The following ZNF536 variants were observed in gnomAD, a reference collection of about 807,000 sequenced individuals.
ZNF536 encodes the protein zinc finger protein 536.
Under a neutral mutation model 84.5 loss-of-function variants are expected in ZNF536, and 13 were observed. The ratio of observed to expected loss-of-function variants is 0.15; its 90% CI spans 0.10 to 0.24. The LOEUF (loss-of-function observed/expected upper bound fraction) is 0.24, where lower values mean the gene tolerates loss of function less well. Among genes scored for constraint, ZNF536 ranks in the 10% least tolerant of loss-of-function variants. The pLI, the probability that ZNF536 is intolerant of heterozygous loss-of-function variation, is 1.00. For synonymous variants in ZNF536, 811 were observed against 742.5 expected (o/e 1.09, Z -1.50); for missense variants, 1,536 against 1,747.5 (o/e 0.88, Z 2.16).
intron 2 of ZNF536, among the ~76,000 whole-genome samples, chr19:30,525,642 G>A (rs1213875556): frequency 6.6e-6 from 1 of 152,174 alleles, no homozygotes; most frequent in Admixed American, 6.5e-5. Flanking sequence ...TGGGGGTTGG[G>A]AGATTTCCTT....
Position 30,549,180 on chromosome 19 carries a change from G to A in ZNF536, c.3561G>A (p.Pro1187=), listed in dbSNP as rs779102548. Residue 1187 remains proline, a synonymous_variant, in exon 4 of 5, where the codon CCG becomes CCA. Coordinates refer to ENST00000355537, the MANE Select transcript of ZNF536 (RefSeq NM_014717.3). ...ATGAAGAGGATGTTGAAACCGAACC[G>A]GAAATGATGACCAAGCCACTGTCTG... The part of the protein sequence containing the change: ...NNDEEDVETE[P]EMMTKPLSAL... The A allele has an allele frequency of 8.8e-5, 142 of 1,613,772 alleles. No homozygotes were observed. Among genetic ancestry groups the A allele is most frequent in the South Asian group, 6.6e-4 (60 of 91,082 alleles).
chr19:30,316,584 T>C (rs2046684589), intron 2 of ZNF536, among the ~76,000 whole-genome samples: 1 of 152,180 alleles, frequency 6.6e-6, no homozygotes, highest in Non-Finnish European at 1.5e-5. Context: ...TTAGAAAGAC[T>C]GCTCAGGATG....
At chr19:30,262,620 T>C (rs1487892520) in intron 1 of ZNF536, among the ~76,000 whole-genome samples, 1 of 152,132 alleles carries the variant, frequency 6.6e-6, no homozygotes, top group Non-Finnish European at 1.5e-5. Context: ...TGGACTTGTC[T>C]TGCTGGTGTT....
chr19:30,515,400 G>C (rs752653404), intron 2 of ZNF536, among the ~76,000 whole-genome samples: 1 of 152,184 alleles, frequency 6.6e-6, no homozygotes, highest in African/African-American at 2.4e-5. Context: ...TTTATGATAA[G>C]AGTTCAGATT....
chr19:30,430,823 C>A (rs893616938), intron 1 of ZNF536, among the ~76,000 whole-genome samples: 77 of 152,268 alleles, frequency 5.1e-4, no homozygotes, highest in African/African-American at 1.8e-3. Flanking sequence ...TACAGGCATG[C>A]GCCACCATGC....
chr19:30,658,094 C>A (rs1422151143), intron 1 of ZNF536, among the ~76,000 whole-genome samples: 1 of 151,100 alleles, frequency 6.6e-6, no homozygotes, highest in Non-Finnish European at 1.5e-5. Flanking sequence ...GCAATCTCGG[C>A]TCACTGCAAC....
At chr19:30,448,228 G>C (rs1476516359) in intron 2 of ZNF536, among the ~76,000 whole-genome samples, 20 of 152,160 alleles carry the variant, frequency 1.3e-4, no homozygotes, top group Admixed American at 1.3e-3. Flanking sequence ...GGAGAATTGA[G>C]GGCATACCAA....
At chr19:30,275,224 C>T (rs1219622454) in intron 1 of ZNF536, among the ~76,000 whole-genome samples, 2 of 152,146 alleles carry the variant, frequency 1.3e-5, no homozygotes, top group African/African-American at 2.4e-5. Context: ...TGGAAATCCA[C>T]CAGCTTGGCA....
Position 30,261,246 on chromosome 19 carries a change from C to T in ZNF536, c.-189-22826C>T, listed in dbSNP as rs370606208. Reference sequence around the variant, plus strand: ...CCGGGAGGCGGAGCTTGCAGTGAGCCGAGATCCCGCCACTGCACTCCAGCC... The same window carrying T: ...CCGGGAGGCGGAGCTTGCAGTGAGCTGAGATCCCGCCACTGCACTCCAGCC... On this transcript the variant is annotated intron_variant, in intron 1 of 5. Transcript: ENST00000585628. 7.1e-5 allele frequency among the ~76,000 whole-genome samples: 9 copies of T among 126,138 alleles called. No homozygotes were observed. The South Asian group carries it at 2.4e-3, about 33-fold the overall frequency. The allele number at this position is 126,138 out of a possible 152,430, so 82.8% of individuals were successfully genotyped here.
intron 1 of ZNF536, among the ~76,000 whole-genome samples, chr19:30,273,573 T>C (rs889024594): frequency 6.6e-6 from 1 of 152,252 alleles, no homozygotes; most frequent in Admixed American, 6.5e-5. Context: ...TTGCCCATTT[T>C]TAAATTGGGC....
intron 2 of ZNF536, among the ~76,000 whole-genome samples, chr19:30,296,641 C>A (rs2145872223): frequency 6.6e-6 from 1 of 152,306 alleles, no homozygotes; most frequent in Admixed American, 6.5e-5. Context: ...TCAGCTTGCT[C>A]TCTACCCCCA....
At chr19:30,700,052 C>T (rs1311312185) in intron 1 of ZNF536, among the ~76,000 whole-genome samples, 3 of 118,442 alleles carry the variant, frequency 2.5e-5, no homozygotes, top group South Asian at 2.8e-4. Context: ...TCTTTCTCTC[C>T]CTCCCTCCGC....
Position 30,627,672 on chromosome 19 carries a change from G to A in ZNF536, c.169+78158G>A, listed in dbSNP as rs937402318. Reference sequence around the variant, plus strand: ...CAAGTTCTCTGTACAGGAGAGAGGGGTTCCGCAGATTCTCTGAAGGCTCTC... The same window carrying A: ...CAAGTTCTCTGTACAGGAGAGAGGGATTCCGCAGATTCTCTGAAGGCTCTC... On this transcript the variant is annotated intron_variant, in intron 1 of 1. Transcript: ENST00000592773. Among the ~76,000 whole-genome samples the A allele has an allele frequency of 3.3e-5, 5 of 152,132 alleles. No individual in the cohort carries two copies. In the South Asian group the frequency reaches 8.3e-4, roughly 25 times the overall value.
At chr19:30,307,006 A>C (rs1055344713) in intron 2 of ZNF536, among the ~76,000 whole-genome samples, 16 of 151,898 alleles carry the variant, frequency 1.1e-4, no homozygotes, top group Non-Finnish European at 1.9e-4. Flanking sequence ...ATATATATAT[A>C]TCTCTCCAGA....
intron 1 of ZNF536, among the ~76,000 whole-genome samples, chr19:30,684,301 A>AT (rs1210210475): frequency 1.3e-5 from 2 of 152,030 alleles, no homozygotes; most frequent in Non-Finnish European, 2.9e-5. Context: ...TGCCTGGCTA[A>AT]TTTTTTTGTG....
chr19:30,538,864 G>T (rs2045202101), intron 3 of ZNF536, among the ~76,000 whole-genome samples: 1 of 152,152 alleles, frequency 6.6e-6, no homozygotes, highest in African/African-American at 2.4e-5. Flanking sequence ...TGCAGGCTCA[G>T]AAAGGAGATT....
chr19:30,682,692 TC>T (rs2147837138), intron 1 of ZNF536, among the ~76,000 whole-genome samples: 1 of 152,180 alleles, frequency 6.6e-6, no homozygotes, highest in East Asian at 1.9e-4. Context: ...CCTCTCTGCC[TC>T]CCCTCAGCCC....
intron 1 of ZNF536, among the ~76,000 whole-genome samples, chr19:30,615,246 C>A (rs1048226449): frequency 1.3e-5 from 2 of 151,932 alleles, no homozygotes; most frequent in Non-Finnish European, 2.9e-5. Flanking sequence ...CGCCCGGCCT[C>A]AATTTTTGCT....
chr19:30,322,782 T>A (rs1267770444), intron 2 of ZNF536, among the ~76,000 whole-genome samples: 2 of 151,996 alleles, frequency 1.3e-5, no homozygotes, highest in Non-Finnish European at 2.9e-5. Context: ...CCGAGCCCCT[T>A]ACTCTCACTC....
Sources: allele counts gnomAD v4.1 joint callset (sites outside exome capture counted in the v4.1 genomes callset), GRCh38; gene constraint gnomAD v4.1.1; transcripts MANE v1.5; gene names NCBI Gene and HGNC (gene_info 2026-07-23, HGNC 2026-07-21).